Variants in ADGRV1 observed in about 807,000 individuals in gnomAD.
ADGRV1 encodes adhesion G protein-coupled receptor V1, also known as G-protein coupled receptor 98.
Under a neutral mutation model 596.2 loss-of-function variants are expected in ADGRV1, and 359 were observed. The ratio of observed to expected loss-of-function variants is 0.60; its 90% CI spans 0.55 to 0.66. The LOEUF (loss-of-function observed/expected upper bound fraction) is 0.66, where lower values mean the gene tolerates loss of function less well. Ranked by LOEUF, ADGRV1 falls within the 30% of genes least tolerant of loss-of-function variation. The pLI, the probability that ADGRV1 is intolerant of heterozygous loss-of-function variation, is 0.00. For synonymous variants in ADGRV1, 2,681 were observed against 2,679.2 expected (o/e 1.00, Z -0.02); for missense variants, 7,274 against 7,575.6 (o/e 0.96, Z 1.48).
chr5:90,805,277 C>A lies in ADGRV1; in HGVS notation c.14662-7C>A, dbSNP rs1429427280. 1 of 1,606,044 alleles carries A rather than the reference C, an allele frequency of 6.2e-7. No individual in the cohort carries two copies. Among genetic ancestry groups the A allele is most frequent in the Non-Finnish European group, 8.5e-7 (1 of 1,173,638 alleles). ...AATAAAATACTCTAAGCATGATTTT[C>A]CCTCAGGTCGGATTTGAATCCACTG... On this transcript the variant is annotated splice_polypyrimidine_tract_variant and splice_region_variant and intron_variant, in intron 71 of 89. Transcript: ENST00000405460.
chr5:90,789,944 G>A (rs1759884881), intron 69 of ADGRV1, 93 bp downstream of exon 69: 10 of 935,438 alleles, frequency 1.1e-5, no homozygotes, highest in African/African-American at 1.7e-5. Context: ...GTTAATTAAA[G>A]TTTTTGATAA....
intron 84 of ADGRV1, among the ~76,000 whole-genome samples, chr5:90,983,766 A>G (rs375794963): frequency 1.3e-5 from 2 of 152,344 alleles, no homozygotes; most frequent in African/African-American, 2.4e-5. Flanking sequence ...AAGCAGATGT[A>G]CATAGAGATA....
intron 74 of ADGRV1, among the ~76,000 whole-genome samples, chr5:90,813,743 C>T (rs1052052028): frequency 2.0e-5 from 3 of 152,126 alleles, no homozygotes; most frequent in Non-Finnish European, 1.5e-5. Flanking sequence ...TTTTCCCTAC[C>T]TGACATTTTT....
In ADGRV1 at chr5:90,783,114, C is replaced by A; in HGVS notation, c.13232-10C>A. The A allele has an allele frequency of 6.2e-7, 1 of 1,610,302 alleles. No homozygotes were observed. The highest frequency in any genetic ancestry group is 1.7e-5 in the Admixed American group (1 of 59,988). On this transcript the variant is annotated splice_polypyrimidine_tract_variant and intron_variant, in intron 65 of 89. Coordinates refer to ENST00000405460, the MANE Select transcript of ADGRV1 (RefSeq NM_032119.4). Reference sequence around the variant, plus strand: ...CTGGCTTACCAATTAATTCCAAGTTCCCATTACAGTGGAGGAAGATGTTGG... The same window carrying A: ...CTGGCTTACCAATTAATTCCAAGTTACCATTACAGTGGAGGAAGATGTTGG...
chr5:91,024,074 T>G (rs1783843698), intron 85 of ADGRV1, among the ~76,000 whole-genome samples: 1 of 152,090 alleles, frequency 6.6e-6, no homozygotes, highest in Non-Finnish European at 1.5e-5. Context: ...CAAGCATGAG[T>G]AGGTTCTGAA....
intron 83 of ADGRV1, among the ~76,000 whole-genome samples, chr5:90,917,880 CA>C (rs773491100): frequency 3.3e-5 from 5 of 152,216 alleles, no homozygotes; most frequent in Middle Eastern, 3.4e-3. Flanking sequence ...TCACCACTAT[CA>C]TTTTTTTTAA....
intron 10 of ADGRV1, among the ~76,000 whole-genome samples, chr5:90,637,142 G>A (rs1198599455): frequency 6.6e-6 from 1 of 152,096 alleles, no homozygotes; most frequent in Non-Finnish European, 1.5e-5. Flanking sequence ...TATTTCACAT[G>A]AGAAAATTAG....
intron 84 of ADGRV1, among the ~76,000 whole-genome samples, chr5:90,980,032 A>T (rs1446589548): frequency 6.6e-6 from 1 of 152,218 alleles, no homozygotes; most frequent in East Asian, 1.9e-4. Flanking sequence ...GAAATTTTCA[A>T]AAATAGCATT....
Position 90,684,167 on chromosome 5 carries a change from T to G in ADGRV1, c.6246T>G (p.Thr2082=), listed in dbSNP as rs375632069. 3.7e-6 allele frequency: 6 copies of G among 1,612,886 alleles called. No homozygotes were observed. Among genetic ancestry groups the G allele is most frequent in the Non-Finnish European group, 2.5e-6 (3 of 1,179,414 alleles). ...ESVFIELLNS[T]LVAKVQSRSI... ...TCTTTATCGAACTACTCAACTCTACTTTAGTAGCGAAAGTACAGAGTCGTT... is the reference window on the plus strand; with the variant it reads ...TCTTTATCGAACTACTCAACTCTACGTTAGTAGCGAAAGTACAGAGTCGTT... The change falls in exon 28 of 90, where the codon ACT becomes ACG. Residue 2082 remains threonine, a synonymous_variant. Coordinates refer to ENST00000405460, the MANE Select transcript of ADGRV1 (RefSeq NM_032119.4).
intron 62 of ADGRV1, among the ~76,000 whole-genome samples, 160 bp downstream of exon 62, chr5:90,778,203 CGTGTGT>C (rs754701646): frequency 6.7e-6 from 1 of 148,362 alleles, no homozygotes; most frequent in Non-Finnish European, 1.5e-5. Flanking sequence ...TTGGCGTGCA[CGTGTGT>C]GTGTGTGTGT....
intron 85 of ADGRV1, among the ~76,000 whole-genome samples, chr5:91,007,942 A>G (rs1434545583): frequency 6.6e-6 from 1 of 152,068 alleles, no homozygotes; most frequent in Non-Finnish European, 1.5e-5. Context: ...ATCTCTGCCA[A>G]ATGATTTTTT....
At chr5:91,109,134 T>G (rs1792146977) in intron 87 of ADGRV1, among the ~76,000 whole-genome samples, 1 of 152,248 alleles carries the variant, frequency 6.6e-6, no homozygotes, top group South Asian at 2.1e-4. Flanking sequence ...TTACTGTTAA[T>G]TTTTATTGTT....
In ADGRV1 at chr5:90,589,052, A is replaced by T. The variant is rs117546946; in HGVS notation, c.23-25783A>T. Among the ~76,000 whole-genome samples, 460 of 152,316 alleles carry T rather than the reference A, an allele frequency of 3.0e-3. 22 individuals carry two copies. The East Asian group carries it at 0.082, about 27-fold the overall frequency. On this transcript the variant is annotated intron_variant, in intron 1 of 89. Transcript: ENST00000405460. ...AAGAAACACAAAGAGAAAAATAAAG[A>T]TATCTTCTATTTTTTTAAAGGCAAT...
chr5:90,674,712 G>A (rs1022156152), intron 23 of ADGRV1: 3 of 153,526 alleles, frequency 2.0e-5, no homozygotes, highest in Admixed American at 6.5e-5. Context: ...AATGTTTTCT[G>A]TATTGGAAAA....
At chr5:90,668,153 A>T (rs11952788) in intron 21 of ADGRV1, among the ~76,000 whole-genome samples, 4 of 151,316 alleles carry the variant, frequency 2.6e-5, no homozygotes, top group South Asian at 2.1e-4. Context: ...CTGAGCTTCC[A>T]GGCTGCTTTG....
At chr5:91,003,731 A>G (rs1782032507) in intron 85 of ADGRV1, among the ~76,000 whole-genome samples, 1 of 152,014 alleles carries the variant, frequency 6.6e-6, no homozygotes, top group South Asian at 2.1e-4. Flanking sequence ...CCAGAGGAAT[A>G]AAAGTTTCAA....
chr5:90,635,917 T>C (rs1580536552), intron 10 of ADGRV1, among the ~76,000 whole-genome samples: 1 of 146,784 alleles, frequency 6.8e-6, no homozygotes, highest in African/African-American at 2.5e-5. Context: ...TTTTTTTTTT[T>C]CTTAATGGCC....
intron 42 of ADGRV1, among the ~76,000 whole-genome samples, chr5:90,714,901 T>C (rs892690736): frequency 6.6e-6 from 1 of 152,216 alleles, no homozygotes; most frequent in African/African-American, 2.4e-5. Flanking sequence ...TTTCTTTTTC[T>C]TTCTCTAAAT....
At chr5:90,832,542 T>C (rs1764608080) in intron 77 of ADGRV1, among the ~76,000 whole-genome samples, 2 of 152,178 alleles carry the variant, frequency 1.3e-5, no homozygotes, top group South Asian at 4.1e-4. Flanking sequence ...TTTTCTCCCA[T>C]TCTGTGGGCT....
Sources: gnomAD v4.1 joint callset for allele counts (sites outside exome capture counted in the v4.1 genomes callset) on GRCh38, gnomAD v4.1.1 for gene constraint, MANE v1.5 for transcripts, NCBI Gene and HGNC (gene_info 2026-07-23, HGNC 2026-07-21) for gene names.